Variants in NEK5 observed in about 807,000 individuals in gnomAD.
The protein encoded by NEK5 is serine/threonine-protein kinase Nek5.
In NEK5, 88 loss-of-function variants were observed where a neutral mutation model predicts 109.2. That is an observed-to-expected ratio of 0.81 (90% CI 0.68 to 0.96). The LOEUF (loss-of-function observed/expected upper bound fraction) is 0.96, where lower values mean the gene tolerates loss of function less well. Ranked by LOEUF, NEK5 falls within the 40% of genes least tolerant of loss-of-function variation. NEK5 has a pLI of 0.00. For missense variants in NEK5, 834 were observed against 920.7 expected (o/e 0.91, Z 1.22); for synonymous variants, 283 against 299.9 (o/e 0.94, Z 0.58).
intron 22 of NEK5, among the ~76,000 whole-genome samples, chr13:52,057,443 T>C (rs1410718433): frequency 2.0e-5 from 3 of 151,924 alleles, no homozygotes; most frequent in Admixed American, 1.3e-4. Flanking sequence ...CCCTAACTCA[T>C]TTTATGAGGC....
At chr13:52,088,532 C>T (rs1955204807) in intron 14 of NEK5, among the ~76,000 whole-genome samples, 1 of 152,074 alleles carries the variant, frequency 6.6e-6, no homozygotes, top group African/African-American at 2.4e-5. Flanking sequence ...GGATTACAGG[C>T]ATGAGCCACC....
intron 23 of NEK5, among the ~76,000 whole-genome samples, chr13:52,039,237 C>T (rs1593912700): frequency 6.6e-6 from 1 of 152,124 alleles, no homozygotes; most frequent in South Asian, 2.1e-4. Context: ...CACAGTCACA[C>T]GATGAGTGTG....
chr13:52,128,784 C>T (rs1005193556), intron 1 of NEK5: 2 of 152,288 alleles, frequency 1.3e-5, no homozygotes, highest in African/African-American at 4.8e-5. Flanking sequence ...CCTAGGGCCG[C>T]CCCTGGAAGC....
At position 52,055,897 on chromosome 13, in the gene NEK5, C is replaced by T. The variant is rs538805140; in HGVS notation, c.2111-5676G>A. Among the ~76,000 whole-genome samples, 290 of 151,474 alleles carry T rather than the reference C, an allele frequency of 1.9e-3. 1 individual carries two copies. Among genetic ancestry groups the T allele is most frequent in the Middle Eastern group, 0.01 (3 of 294 alleles). On this transcript the variant is annotated intron_variant, in intron 22 of 23. Transcript: ENST00000684899. ...CGAAGAAACTGCACCAACTAACGAG[C>T]GAAATAACCAGCTAACATCATAATG...
intron 22 of NEK5, among the ~76,000 whole-genome samples, chr13:52,053,794 AT>A (rs557184430): frequency 3.3e-5 from 5 of 152,148 alleles, no homozygotes; most frequent in Non-Finnish European, 5.9e-5. Flanking sequence ...AAGCCCTAGC[AT>A]TTTGCCTGAG....
At chr13:52,049,025 ATATT>A (rs1328869745) in intron 23 of NEK5, among the ~76,000 whole-genome samples, 2 of 152,212 alleles carry the variant, frequency 1.3e-5, no homozygotes, top group African/African-American at 4.8e-5. Flanking sequence ...CGTAATACAT[ATATT>A]TATTAGCTTG....
chr13:52,062,990 C>G (rs1954625949), intron 21 of NEK5, among the ~76,000 whole-genome samples: 1 of 152,082 alleles, frequency 6.6e-6, no homozygotes, highest in Non-Finnish European at 1.5e-5. Flanking sequence ...TTACTGTGCT[C>G]AGCAGTAATA....
In NEK5 at chr13:52,110,500, T is replaced by C; in HGVS notation, c.390A>G (p.Lys130=). 6.2e-7 allele frequency: 1 copy of C among 1,611,428 alleles called. No individual in the cohort carries two copies. Among genetic ancestry groups the C allele is most frequent in the South Asian group, 1.1e-5 (1 of 91,020 alleles). The part of the protein sequence containing the change: ...HDRKILHRDI[K]AQNIFLSKNG... ...CTTCTCTCTGAGCTGTTACCTGAGC[T>C]TTTATGTCCCTGTGTAATATCTTCC... Residue 130 remains lysine, a synonymous_variant, in exon 6 of 24, where the codon AAA becomes AAG. Coordinates refer to ENST00000684899, the MANE Select transcript of NEK5 (RefSeq NM_001365552.1).
At chr13:52,117,059 C>T (rs1955873854) in intron 4 of NEK5, among the ~76,000 whole-genome samples, 1 of 152,106 alleles carries the variant, frequency 6.6e-6, no homozygotes, top group African/African-American at 2.4e-5. Flanking sequence ...GCTGGGATTA[C>T]AGGTGCACAC....
At chr13:52,077,560 G>T (rs984094661) in intron 17 of NEK5, among the ~76,000 whole-genome samples, 10 of 152,258 alleles carry the variant, frequency 6.6e-5, no homozygotes, top group African/African-American at 2.4e-4. Context: ...GGGTATTAAG[G>T]TGCTAGAGTC....
chr13:52,090,542 G>A (rs1281170950), intron 13 of NEK5, among the ~76,000 whole-genome samples: 2 of 152,202 alleles, frequency 1.3e-5, no homozygotes, highest in Non-Finnish European at 2.9e-5. Flanking sequence ...GCTGTGAAGT[G>A]CCTGACACAC....
At chr13:52,039,379 C>T (rs552156179) in intron 23 of NEK5, among the ~76,000 whole-genome samples, 1 of 152,228 alleles carries the variant, frequency 6.6e-6, no homozygotes, top group South Asian at 2.1e-4. Context: ...TTTGGGTGGA[C>T]CAGTAAGTGC....
intron 3 of NEK5, among the ~76,000 whole-genome samples, chr13:52,122,953 C>T (rs1322289789): frequency 2.0e-5 from 3 of 152,132 alleles, no homozygotes; most frequent in African/African-American, 7.2e-5. Context: ...AAAATTTCTA[C>T]AACGAACATT....
Position 52,036,168 on chromosome 13 carries a change from T to A in NEK5, c.*780A>T, listed in dbSNP as rs1415906782. Reference sequence around the variant, plus strand: ...TCTGAATTCTTAGTTTGTGGCCTTGTCCAACATCTTCAAAGCCAGCAACAT... The same window carrying A: ...TCTGAATTCTTAGTTTGTGGCCTTGACCAACATCTTCAAAGCCAGCAACAT... On this transcript the variant is annotated 3_prime_UTR_variant, in exon 24 of 24. Transcript: ENST00000684899. 6.6e-6 allele frequency: 1 copy of A among 152,214 alleles called. No individual in the cohort carries two copies. The allele number at this position is 152,214 out of a possible 1,614,324, so 9.4% of individuals were successfully genotyped here. A position where few individuals can be genotyped will look rare whatever the true frequency, so the allele number is the denominator to read the frequency against.
intron 17 of NEK5, among the ~76,000 whole-genome samples, chr13:52,080,254 C>A (rs1435918193): frequency 4.2e-5 from 6 of 141,598 alleles, no homozygotes; most frequent in East Asian, 4.1e-4. Context: ...CCGCCCCATC[C>A]GGGAGGGAGG....
intron 20 of NEK5, among the ~76,000 whole-genome samples, chr13:52,070,982 A>T (rs537775599): frequency 6.6e-6 from 1 of 152,352 alleles, no homozygotes; most frequent in Admixed American, 6.5e-5. Flanking sequence ...ATAACTTGTG[A>T]AAGAAAGGTC....
Position 52,065,551 on chromosome 13 carries a change from C to G in NEK5, c.1908G>C (p.Ala636=). 1 of 1,613,996 alleles carries G rather than the reference C, an allele frequency of 6.2e-7. No homozygotes were observed. The highest frequency in any genetic ancestry group is 8.5e-7 in the Non-Finnish European group (1 of 1,179,872). ...CCATCATCTGCAGCAGAGTCTGAGG[C>G]GCTCCTCCATCCCACTGCCTCCTGT... is the stretch of plus-strand genomic sequence containing the variant. ...VGNRRQWDGG[A]PQTLLQMMAV... The change falls in exon 21 of 24, where the codon GCG becomes GCC. Residue 636 remains alanine (A), a synonymous_variant. Coordinates refer to ENST00000684899, the MANE Select transcript of NEK5 (RefSeq NM_001365552.1).
chr13:52,112,290 C>A lies in NEK5; in HGVS notation c.290G>T (p.Gly97Val). The change falls in exon 5 of 24, where the codon GGT becomes GTT. Residue 97 changes from glycine to valine, a missense_variant. Gly to Val is a moderately radical substitution (Grantham distance 109). Transcript: ENST00000684899. The part of the protein sequence containing the change: ...DLMKRINRQR[G>V]VLFSEDQILG... ...TACCTGATCTTCACTAAATAACACACCCCGTTGTCTATTGATCCTTTTCAT... is the reference window on the plus strand; with the variant it reads ...TACCTGATCTTCACTAAATAACACAACCCGTTGTCTATTGATCCTTTTCAT... The A allele has an allele frequency of 4.4e-6, 7 of 1,608,586 alleles. No individual in the cohort carries two copies. The highest frequency in any genetic ancestry group is 6.0e-6 in the Non-Finnish European group (7 of 1,175,190).
chr13:52,088,867 G>C (rs565511162), intron 14 of NEK5, among the ~76,000 whole-genome samples: 2 of 151,744 alleles, frequency 1.3e-5, no homozygotes, highest in East Asian at 3.9e-4. Context: ...TAGGTGGGTG[G>C]ATCACCCGAG....
Sources: allele counts gnomAD v4.1 joint callset (sites outside exome capture counted in the v4.1 genomes callset), GRCh38; gene constraint gnomAD v4.1.1; transcripts MANE v1.5; gene names NCBI Gene and HGNC (gene_info 2026-07-23, HGNC 2026-07-21).